Variants in GREB1 observed in about 807,000 individuals in gnomAD.
GREB1 encodes growth regulating estrogen receptor binding 1.
Under a neutral mutation model 200.7 loss-of-function variants are expected in GREB1, and 106 were observed. The observed-to-expected ratio is 0.53, with a 90% CI of 0.45 to 0.62. The LOEUF (loss-of-function observed/expected upper bound fraction) is 0.62, where lower values mean the gene tolerates loss of function less well. GREB1 is among the 20% of genes least tolerant of loss of function. The pLI is 0.00. For synonymous variants in GREB1, 1,132 were observed against 1,092.4 expected (o/e 1.04, Z -0.72); for missense variants, 2,243 against 2,556.8 (o/e 0.88, Z 2.65).
At chr2:11,630,432 C>A (rs958746300) in intron 26 of GREB1, among the ~76,000 whole-genome samples, 1 of 152,184 alleles carries the variant, frequency 6.6e-6, no homozygotes, top group Non-Finnish European at 1.5e-5. Context: ...CCCTATCTTC[C>A]GTGCCCGGAA....
At chr2:11,519,545 T>A (rs1002503023) in intron 1 of GREB1, among the ~76,000 whole-genome samples, 1 of 133,682 alleles carries the variant, frequency 7.5e-6, no homozygotes, top group Admixed American at 8.5e-5. Flanking sequence ...AACCTCTACC[T>A]CCCGGGTTCA....
chr2:11,588,621 G>A (rs1680412616), intron 9 of GREB1, 125 bp from the exon 10 acceptor site: 5 of 869,392 alleles, frequency 5.8e-6, no homozygotes, highest in South Asian at 1.4e-5. Context: ...CCAGGACAGG[G>A]CACTCGAGGG....
chr2:11,529,100 G>A (rs1673980854), upstream of GREB1, among the ~76,000 whole-genome samples: 1 of 152,158 alleles, frequency 6.6e-6, no homozygotes, highest in Non-Finnish European at 1.5e-5. Flanking sequence ...AATATTTAAG[G>A]TAGTGAAATT....
At chr2:11,505,527 A>C (rs1407222992) in intron 1 of GREB1, among the ~76,000 whole-genome samples, 1 of 152,096 alleles carries the variant, frequency 6.6e-6, no homozygotes, top group Non-Finnish European at 1.5e-5. Flanking sequence ...AATAATAATA[A>C]ATCATTAAAT....
In GREB1 at chr2:11,614,288, G is replaced by A. The variant is rs550406973; in HGVS notation, c.3123-803G>A. Among the ~76,000 whole-genome samples the A allele has an allele frequency of 4.6e-5, 7 of 151,878 alleles. No individual in the cohort carries two copies. The East Asian group carries it at 1.2e-3, about 25-fold the overall frequency. On this transcript the variant is annotated intron_variant, in intron 19 of 32. Transcript: ENST00000381486. ...ATTATAGGCACCTGCCTCCACACCC[G>A]GCTAATTTTTGTATTTTTAGTAGAG...
intron 3 of GREB1, among the ~76,000 whole-genome samples, chr2:11,566,171 A>G (rs935624432): frequency 6.6e-6 from 1 of 152,018 alleles, no homozygotes; most frequent in African/African-American, 2.4e-5. Context: ...GGTGTGTGCC[A>G]CTACGCCTGG....
chr2:11,593,677 C>A (rs978414219), intron 11 of GREB1, among the ~76,000 whole-genome samples: 3 of 152,184 alleles, frequency 2.0e-5, no homozygotes, highest in African/African-American at 7.2e-5. Flanking sequence ...CCATGTCACC[C>A]AGGCTGGTCT....
In GREB1 at chr2:11,593,129, G is replaced by A; in HGVS notation, c.1696+3G>A. On this transcript the variant is annotated splice_donor_region_variant and intron_variant, in intron 11 of 32. Coordinates refer to ENST00000381486, the MANE Select transcript of GREB1 (RefSeq NM_014668.4). Reference sequence around the variant, plus strand: ...CGACTCCTGCATCGCCGTCACCGGTGAGCTCTGGGCCGCGCGGCTGCGGGA... The same window carrying A: ...CGACTCCTGCATCGCCGTCACCGGTAAGCTCTGGGCCGCGCGGCTGCGGGA... 1.3e-6 allele frequency: 2 copies of A among 1,591,476 alleles called. No individual in the cohort carries two copies. The highest frequency in any genetic ancestry group is 1.7e-4 in the Middle Eastern group (1 of 5,920).
At chr2:11,637,978 C>A in intron 31 of GREB1, 62 bp downstream of exon 31, 1 of 1,379,516 alleles carries the variant, frequency 7.2e-7, no homozygotes, top group Non-Finnish European at 1.0e-6. Flanking sequence ...AACCAATGGG[C>A]TGGAATCTGG....
intron 1 of GREB1, among the ~76,000 whole-genome samples, chr2:11,483,317 G>GGT (rs1672558520): frequency 9.6e-6 from 1 of 103,632 alleles, no homozygotes; most frequent in Non-Finnish European, 2.1e-5. Flanking sequence ...CGCGTGTATC[G>GGT]GTGTGCGCGC....
In GREB1 at chr2:11,587,458, G is replaced by A. The variant is rs745424155; in HGVS notation, c.1160-1288G>A. Reference sequence around the variant, plus strand: ...CATCGCCCCGGAGCTTATGAGAGGCGTGAATTCATGGACCCATCCTGGAAT... The same window carrying A: ...CATCGCCCCGGAGCTTATGAGAGGCATGAATTCATGGACCCATCCTGGAAT... On this transcript the variant is annotated intron_variant, in intron 9 of 32. Transcript: ENST00000381486. 32 of 1,613,374 alleles carry A rather than the reference G, an allele frequency of 2.0e-5. No individual in the cohort carries two copies. In the African/African-American group the frequency reaches 2.1e-4, roughly 11 times the overall value.
rs1000254970 is a variant in GREB1 at position 11,493,288 on chromosome 2, G to A, written c.-159+10907G>A. Among the ~76,000 whole-genome samples the A allele has an allele frequency of 6.6e-6, 1 of 152,152 alleles. No individual in the cohort carries two copies. The highest frequency in any genetic ancestry group is 1.5e-5 in the Non-Finnish European group (1 of 68,014). On this transcript the variant is annotated intron_variant, in intron 1 of 2. Coordinates refer to the GREB1 transcript ENST00000628795. The surrounding 1 kb of genome is among the most constrained non-coding windows in gnomAD (Gnocchi z 4.6). Reference sequence around the variant, plus strand: ...GGCACCAGGGTCCAGTTTCATGGAAGACAATTTTTCCACAGACAGGGTGTG... The same window carrying A: ...GGCACCAGGGTCCAGTTTCATGGAAAACAATTTTTCCACAGACAGGGTGTG...
At chr2:11,623,992 C>A (rs887159252) in intron 23 of GREB1, among the ~76,000 whole-genome samples, 3 of 152,134 alleles carry the variant, frequency 2.0e-5, no homozygotes, top group African/African-American at 7.2e-5. Flanking sequence ...CATTTTTGAT[C>A]AGTTGCACAA....
At chr2:11,578,503 C>T in intron 6 of GREB1, 72 bp downstream of exon 6, 1 of 1,496,418 alleles carries the variant, frequency 6.7e-7, no homozygotes. Context: ...GTCCGGTTGA[C>T]TATGCCGTCA....
At chr2:11,518,640 A>G (rs1673594526) in intron 1 of GREB1, among the ~76,000 whole-genome samples, 1 of 152,150 alleles carries the variant, frequency 6.6e-6, no homozygotes, top group African/African-American at 2.4e-5. Context: ...CAAACCTGCT[A>G]AAATGATTTA....
intron 9 of GREB1, chr2:11,587,273 A>G: frequency 1.2e-6 from 1 of 830,386 alleles, no homozygotes; most frequent in Non-Finnish European, 2.1e-6. Flanking sequence ...AAGTTGTCTT[A>G]GATTCCCTTT....
intron 1 of GREB1, among the ~76,000 whole-genome samples, chr2:11,488,791 CAAA>C (rs11288876): frequency 3.5e-4 from 29 of 82,728 alleles, no homozygotes; most frequent in Admixed American, 8.0e-4. Flanking sequence ...AACTCCGTCT[CAAA>C]AAAAAAAAAA....
rs1685042199 is a variant in GREB1, at chr2:11,633,375, AC to A, written c.4991+313del. 6.6e-6 allele frequency among the ~76,000 whole-genome samples: 1 copy of A among 152,038 alleles called. No individual in the cohort carries two copies. On this transcript the variant is annotated intron_variant, in intron 28 of 32. Coordinates refer to ENST00000381486, the MANE Select transcript of GREB1 (RefSeq NM_014668.4). This position sits in a 1 kb window ranked among gnomAD's most constrained non-coding sequence, Gnocchi z 4.1. ...CAGGAGATCGAGACCATCCTGGCTA[AC>A]ACGGTGAAACCCTGTCTCTACTAAA...
chr2:11,623,817 A>C (rs563014620), intron 23 of GREB1, among the ~76,000 whole-genome samples: 157 of 152,050 alleles, frequency 1.0e-3, no homozygotes, highest in Non-Finnish European at 2.0e-3. Flanking sequence ...TGAACCCGGG[A>C]GGCGGAGATT....
Sources: gnomAD v4.1 joint callset for allele counts (sites outside exome capture counted in the v4.1 genomes callset) on GRCh38, gnomAD v4.1.1 for gene constraint, Gnocchi (gnomAD v3.1) non-coding constraint, MANE v1.5 for transcripts, NCBI Gene and HGNC (gene_info 2026-07-23, HGNC 2026-07-21) for gene names.